The following VPS8 variants were observed in gnomAD, a reference collection of about 807,000 sequenced individuals.
VPS8 encodes vacuolar protein sorting-associated protein 8 homolog.
Under a neutral mutation model 216.4 loss-of-function variants are expected in VPS8, and 129 were observed. The observed-to-expected ratio is 0.60, with a 90% CI of 0.52 to 0.69. VPS8 has a LOEUF of 0.69. Among genes scored for constraint, VPS8 ranks in the 30% least tolerant of loss-of-function variants. The probability of loss-of-function intolerance (pLI) is 0.00; values close to 1 mark genes in which losing one functional copy is unlikely to be tolerated. For missense variants in VPS8, 1,531 were observed against 1,683.5 expected (o/e 0.91, Z 1.59); for synonymous variants, 571 against 565.4 (o/e 1.01, Z -0.14).
chr3:185,001,146 A>G (rs1402409930), intron 45 of VPS8, among the ~76,000 whole-genome samples: 1 of 151,508 alleles, frequency 6.6e-6, no homozygotes, highest in Non-Finnish European at 1.5e-5. Context: ...CAACAAACTT[A>G]TAAAAGGATT....
At position 184,964,506 on chromosome 3, in the gene VPS8, T is replaced by C. The variant is rs374405702; in HGVS notation, c.3222T>C (p.Tyr1074=). The change falls in exon 38 of 48, where the codon TAT becomes TAC. Residue 1074 remains tyrosine, a synonymous_variant. Coordinates refer to ENST00000625842, the MANE Select transcript of VPS8 (RefSeq NM_001009921.3). The stretch of plus-strand genomic sequence containing the variant: ...ATCAACTTCATGAAGTCACCGCTTA[T>C]CTATTGGAAAAGAAAGGAGATATTC... ...QKYQLHEVTA[Y]LLEKKGDIHG... 6.6e-7 allele frequency: 1 copy of C among 1,520,412 alleles called. No individual in the cohort carries two copies. Among genetic ancestry groups the C allele is most frequent in the Non-Finnish European group, 8.9e-7 (1 of 1,129,074 alleles). The allele number at this position is 1,520,412 out of a possible 1,614,324, so 94.2% of individuals were successfully genotyped here.
chr3:184,906,781 GA>G (rs1483285425), intron 25 of VPS8, among the ~76,000 whole-genome samples: 1 of 152,162 alleles, frequency 6.6e-6, no homozygotes, highest in Non-Finnish European at 1.5e-5. Context: ...ATTATCTTGT[GA>G]AAAAGCTTGT....
At chr3:184,831,844 T>TG in intron 3 of VPS8, among the ~76,000 whole-genome samples, 1 of 152,360 alleles carries the variant, frequency 6.6e-6, no homozygotes, top group East Asian at 1.9e-4. Context: ...GCCCTCTTAC[T>TG]GGTCCTTAAA....
Position 184,999,644 on chromosome 3 carries a change from T to G in VPS8, c.3837-52T>G. On this transcript the variant is annotated intron_variant, in intron 44 of 47. Coordinates refer to ENST00000625842, the MANE Select transcript of VPS8 (RefSeq NM_001009921.3). ...TCTAAGTACACTTACAAGCTTATAT[T>G]TATGGATTTTGTGATAATAAAAAGT... 2.6e-6 allele frequency: 4 copies of G among 1,540,422 alleles called. No homozygotes were observed. The South Asian group carries it at 5.2e-5, about 20-fold the overall frequency.
chr3:185,041,750 C>T (rs1711686976), intron 46 of VPS8, among the ~76,000 whole-genome samples: 1 of 152,236 alleles, frequency 6.6e-6, no homozygotes, highest in Admixed American at 6.5e-5. Context: ...CAGAGCTTCG[C>T]AGATTGTGCT....
At chr3:185,032,133 T>C (rs1428937221) in intron 46 of VPS8, among the ~76,000 whole-genome samples, 2 of 152,088 alleles carry the variant, frequency 1.3e-5, no homozygotes, top group South Asian at 2.1e-4. Flanking sequence ...CATTGCACTC[T>C]AGCCTGGACA....
At chr3:184,903,319 T>A (rs567981667) in intron 25 of VPS8, among the ~76,000 whole-genome samples, 32 of 152,338 alleles carry the variant, frequency 2.1e-4, no homozygotes, top group African/African-American at 4.8e-4. Flanking sequence ...CAGTTTTTTT[T>A]AAAAAAGCTC....
In VPS8 at chr3:184,886,093, T is replaced by C; in HGVS notation, c.1735-17T>C. ...CAGGGTTGTGGGGCTGATGCTTTCT[T>C]TATGGTTCCTCTACAGGATATGGTG... On this transcript the variant is annotated splice_polypyrimidine_tract_variant and intron_variant, in intron 21 of 47. Transcript: ENST00000625842. 1 of 1,605,612 alleles carries C rather than the reference T, an allele frequency of 6.2e-7. No individual in the cohort carries two copies. The highest frequency in any genetic ancestry group is 8.5e-7 in the Non-Finnish European group (1 of 1,175,756).
At chr3:184,817,425 G>A (rs919926691) in intron 1 of VPS8, 4 of 152,226 alleles carry the variant, frequency 2.6e-5, no homozygotes, top group Non-Finnish European at 5.9e-5. Flanking sequence ...TTTAGACAAT[G>A]AGGAAATCAT....
chr3:184,905,300 C>T (rs997340965), intron 25 of VPS8, among the ~76,000 whole-genome samples: 1 of 152,188 alleles, frequency 6.6e-6, no homozygotes, highest in Non-Finnish European at 1.5e-5. Flanking sequence ...CTCAGATTAT[C>T]TGTGTCTTTT....
intron 1 of VPS8, among the ~76,000 whole-genome samples, chr3:184,818,257 C>T (rs752795919): frequency 1.6e-4 from 24 of 152,204 alleles, no homozygotes; most frequent in Non-Finnish European, 3.2e-4. Flanking sequence ...TTGTGCTGGG[C>T]GTGGTGGCTT....
At position 184,868,005 on chromosome 3, in the gene VPS8, C is replaced by T. The variant is rs1232633601; in HGVS notation, c.1471-19C>T. ...CTGTTAAGGGTGATCATTTTAATTTCCATCTCTTTACTTTCCAGTCTGTTT... is the reference window on the plus strand; with the variant it reads ...CTGTTAAGGGTGATCATTTTAATTTTCATCTCTTTACTTTCCAGTCTGTTT... On this transcript the variant is annotated intron_variant, in intron 17 of 47. Transcript: ENST00000625842. 1.9e-6 allele frequency: 3 copies of T among 1,612,230 alleles called. No individual in the cohort carries two copies. Among genetic ancestry groups the T allele is most frequent in the South Asian group, 1.1e-5 (1 of 90,866 alleles).
At chr3:184,956,173 A>C (rs1436610233) in intron 36 of VPS8, among the ~76,000 whole-genome samples, 2 of 152,156 alleles carry the variant, frequency 1.3e-5, no homozygotes, top group Non-Finnish European at 2.9e-5. Context: ...CAAGCTTCTT[A>C]TTAGTAAAAG....
intron 23 of VPS8, among the ~76,000 whole-genome samples, chr3:184,895,866 T>TC (rs1254801999): frequency 6.6e-6 from 1 of 150,798 alleles, no homozygotes; most frequent in Non-Finnish European, 1.5e-5. Flanking sequence ...ACTTTTGACT[T>TC]CAAGTGATTC....
At chr3:185,006,833 C>T (rs1256732887) in intron 45 of VPS8, among the ~76,000 whole-genome samples, 2 of 48,846 alleles carry the variant, frequency 4.1e-5, no homozygotes, top group Non-Finnish European at 1.2e-4. Context: ...TAATGCAGTC[C>T]TTCTGTCAAA....
At chr3:184,935,336 A>G (rs1302756179) in intron 34 of VPS8, among the ~76,000 whole-genome samples, 2 of 152,190 alleles carry the variant, frequency 1.3e-5, no homozygotes, top group African/African-American at 4.8e-5. Flanking sequence ...ATATTTAGTT[A>G]TACCTTCTCA....
rs75637398 is a variant in VPS8, at chr3:184,859,890, G to C, written c.1144-95G>C. On this transcript the variant is annotated intron_variant, in intron 14 of 47. Coordinates refer to ENST00000625842, the MANE Select transcript of VPS8 (RefSeq NM_001009921.3). Reference sequence around the variant, plus strand: ...CTTATCTACAGGGAATGGGATAATGGGTAAATGTGATACTCTAGGTGGAGT... The same window carrying C: ...CTTATCTACAGGGAATGGGATAATGCGTAAATGTGATACTCTAGGTGGAGT... 2.7e-4 allele frequency: 222 copies of C among 835,602 alleles called. 2 individuals carry two copies. The African/African-American group carries it at 3.3e-3, about 12-fold the overall frequency. The allele number at this position is 835,602 out of a possible 1,614,324, so 51.8% of individuals were successfully genotyped here.
intron 3 of VPS8, among the ~76,000 whole-genome samples, chr3:184,827,684 T>A (rs548388451): frequency 6.6e-6 from 1 of 152,370 alleles, no homozygotes; most frequent in East Asian, 1.9e-4. Flanking sequence ...AAACTGTTCC[T>A]GCACAACAAC....
chr3:184,951,327 A>G (rs1744659045), intron 36 of VPS8, among the ~76,000 whole-genome samples: 1 of 152,090 alleles, frequency 6.6e-6, no homozygotes, highest in Non-Finnish European at 1.5e-5. Context: ...CTCTACAAAA[A>G]TATCAAAAAT....
Sources: gnomAD v4.1 joint callset for allele counts (sites outside exome capture counted in the v4.1 genomes callset) on GRCh38, gnomAD v4.1.1 for gene constraint, MANE v1.5 for transcripts, NCBI Gene and HGNC (gene_info 2026-07-23, HGNC 2026-07-21) for gene names.